Variants in CAMTA1 observed in about 807,000 individuals in gnomAD.
CAMTA1 encodes calmodulin-binding transcription activator 1.
CAMTA1 carries 27 observed loss-of-function variants against 170.9 expected under a neutral mutation model. The ratio of observed to expected loss-of-function variants is 0.16; its 90% confidence interval spans 0.12 to 0.22. The LOEUF is 0.22. Among genes scored for constraint, CAMTA1 ranks in the 10% least tolerant of loss-of-function variants. CAMTA1 has a pLI of 1.00. For synonymous variants in CAMTA1, 833 were observed against 891.5 expected (o/e 0.93, Z 1.17); for missense variants, 1,619 against 2,217.2 (o/e 0.73, Z 5.42).
rs548348863 is a variant in CAMTA1 at position 7,498,792 on chromosome 1, T to C, written c.510+30891T>C. On this transcript the variant is annotated intron_variant, in intron 6 of 22. Coordinates refer to ENST00000303635, the MANE Select transcript of CAMTA1 (RefSeq NM_015215.4). ...CCTGGTGTGCATGTGTATGTATGTGTGTGCATGTGTGTACATGTGTGTAGA... is the reference window on the plus strand; with the variant it reads ...CCTGGTGTGCATGTGTATGTATGTGCGTGCATGTGTGTACATGTGTGTAGA... Among the ~76,000 whole-genome samples the C allele has an allele frequency of 2.3e-4, 34 of 146,502 alleles. 1 individual carries two copies. In the South Asian group the frequency reaches 7.3e-3, roughly 31 times the overall value.
At chr1:7,120,042 A>T (rs1394577740) in intron 4 of CAMTA1, among the ~76,000 whole-genome samples, 1 of 152,192 alleles carries the variant, frequency 6.6e-6, no homozygotes, top group Non-Finnish European at 1.5e-5. Flanking sequence ...CATTCTACAG[A>T]TGAGGAAACC....
Position 7,443,974 on chromosome 1 carries a change from A to G in CAMTA1, c.439-23856A>G, listed in dbSNP as rs1246522046. Among the ~76,000 whole-genome samples, 1 of 151,656 alleles carries G rather than the reference A, an allele frequency of 6.6e-6. No homozygotes were observed. The highest frequency in any genetic ancestry group is 1.5e-5 in the Non-Finnish European group (1 of 67,748). On this transcript the variant is annotated intron_variant, in intron 5 of 22. Coordinates refer to ENST00000303635, the MANE Select transcript of CAMTA1 (RefSeq NM_015215.4). The surrounding 1 kb of genome is among the most constrained non-coding windows in gnomAD (Gnocchi z 4.1). ...AGACATTGTGATCCGTCGGTGAGCC[A>G]TCGAGCCCCTCCTTCAGGCCCCCAG...
At chr1:7,467,615 C>T (rs1046242452) in intron 5 of CAMTA1, among the ~76,000 whole-genome samples, 1 of 152,142 alleles carries the variant, frequency 6.6e-6, no homozygotes, top group Non-Finnish European at 1.5e-5. Context: ...AGCTGCCCAT[C>T]GAGTCTGCCG....
chr1:7,085,363 G>A (rs1207997819), intron 3 of CAMTA1, among the ~76,000 whole-genome samples: 1 of 152,216 alleles, frequency 6.6e-6, no homozygotes, highest in Non-Finnish European at 1.5e-5. Flanking sequence ...CTTTGGAAGA[G>A]AACTTCACAA....
At chr1:7,395,267 T>C (rs1056395472) in intron 5 of CAMTA1, among the ~76,000 whole-genome samples, 10 of 152,248 alleles carry the variant, frequency 6.6e-5, no homozygotes, top group Non-Finnish European at 1.5e-4. Flanking sequence ...AGATAGGCTC[T>C]AATTTCATTG....
intron 6 of CAMTA1, among the ~76,000 whole-genome samples, chr1:7,549,822 G>T (rs1446607744): frequency 6.6e-6 from 1 of 152,016 alleles, no homozygotes; most frequent in East Asian, 1.9e-4. Context: ...AGGGCGGGAG[G>T]GTTTCATTCT....
intron 3 of CAMTA1, among the ~76,000 whole-genome samples, chr1:6,950,198 C>T (rs1323892491): frequency 6.6e-6 from 1 of 152,220 alleles, no homozygotes; most frequent in Non-Finnish European, 1.5e-5. Flanking sequence ...ACGGCCTTCT[C>T]ATGTTCCCAG....
chr1:6,792,718 A>G (rs923931219), intron 1 of CAMTA1, among the ~76,000 whole-genome samples: 7 of 152,118 alleles, frequency 4.6e-5, no homozygotes, highest in Non-Finnish European at 8.8e-5. Flanking sequence ...GTTCTCCTGT[A>G]CATGAATCCT....
In CAMTA1 at chr1:7,736,558, C is replaced by G. The variant is rs771472012; in HGVS notation, c.3263+18C>G. 2.5e-6 allele frequency: 4 copies of G among 1,611,980 alleles called. No individual in the cohort carries two copies. In the Middle Eastern group the frequency reaches 6.7e-4, roughly 270 times the overall value. On this transcript the variant is annotated intron_variant, in intron 13 of 22. Coordinates refer to ENST00000303635, the MANE Select transcript of CAMTA1 (RefSeq NM_015215.4). The surrounding 1 kb of genome is among the most constrained non-coding windows in gnomAD (Gnocchi z 4.5). Reference sequence around the variant, plus strand: ...AAATGGCGGTAAGGCTGTGGTGCAGCTGGCTGGGGGTCAGCCTCGCACATC... The same window carrying G: ...AAATGGCGGTAAGGCTGTGGTGCAGGTGGCTGGGGGTCAGCCTCGCACATC...
At chr1:7,319,104 A>G (rs1489392358) in intron 5 of CAMTA1, among the ~76,000 whole-genome samples, 1 of 152,224 alleles carries the variant, frequency 6.6e-6, no homozygotes, top group Non-Finnish European at 1.5e-5. Flanking sequence ...GGGAAGGCAG[A>G]CACTGAATGA....
At chr1:7,187,874 C>T (rs939047478) in intron 4 of CAMTA1, among the ~76,000 whole-genome samples, 1 of 152,154 alleles carries the variant, frequency 6.6e-6, no homozygotes, top group African/African-American at 2.4e-5. Flanking sequence ...TCTTTTGATG[C>T]AGGAACATTG....
intron 4 of CAMTA1, among the ~76,000 whole-genome samples, chr1:7,214,763 T>C (rs1410748913): frequency 6.6e-6 from 1 of 152,218 alleles, no homozygotes; most frequent in African/African-American, 2.4e-5. Context: ...CTAGTCCTAG[T>C]TCCCAAATTT....
chr1:6,809,319 G>A (rs763822759), intron 1 of CAMTA1, among the ~76,000 whole-genome samples: 26 of 152,118 alleles, frequency 1.7e-4, no homozygotes, highest in Non-Finnish European at 3.1e-4. Context: ...GAGCCACCGC[G>A]CCTGGCCGGT....
chr1:7,579,552 CTTT>C (rs3034816), intron 6 of CAMTA1, among the ~76,000 whole-genome samples: 25 of 79,188 alleles, frequency 3.2e-4, no homozygotes, highest in African/African-American at 1.1e-3. Context: ...CTTTTCTTTT[CTTT>C]TTTTTTTTTT....
In CAMTA1 at chr1:7,467,973, G is replaced by A. The variant is rs538564763; in HGVS notation, c.510+72G>A. On this transcript the variant is annotated intron_variant, in intron 6 of 22. Transcript: ENST00000303635. The stretch of plus-strand genomic sequence containing the variant: ...AGGGTCTGTGGAGGGCACTGAGGGC[G>A]CGGGGCTCCGCATGCGACACGGCTT... The A allele has an allele frequency of 1.7e-4, 212 of 1,254,572 alleles. No individual in the cohort carries two copies. In the African/African-American group the frequency reaches 2.3e-3, roughly 14 times the overall value. 77.7% of individuals were successfully genotyped at this position (1,254,572 alleles called of 1,614,324 possible). A position where few individuals can be genotyped will look rare whatever the true frequency, so the allele number is the denominator to read the frequency against.
At position 7,680,253 on chromosome 1, in the gene CAMTA1, T is replaced by C; in HGVS notation, c.2914+2520T>C. Reference sequence around the variant, plus strand: ...TTCCCCGCCTGTCCCTCCCGGCCCCTCCCCTCGGTCTCCGCAGCTTCTCGG... The same window carrying C: ...TTCCCCGCCTGTCCCTCCCGGCCCCCCCCCTCGGTCTCCGCAGCTTCTCGG... On this transcript the variant is annotated intron_variant, in intron 11 of 22. Coordinates refer to ENST00000303635, the MANE Select transcript of CAMTA1 (RefSeq NM_015215.4). This position sits in a 1 kb window ranked among gnomAD's most constrained non-coding sequence, Gnocchi z 4.4. 1 of 230,550 alleles carries C rather than the reference T, an allele frequency of 4.3e-6. No homozygotes were observed. Among genetic ancestry groups the C allele is most frequent in the South Asian group, 3.7e-5 (1 of 27,240 alleles). 14.3% of individuals were successfully genotyped at this position (230,550 alleles called of 1,614,324 possible). A position where few individuals can be genotyped will look rare whatever the true frequency, so the allele number is the denominator to read the frequency against.
chr1:6,908,222 T>TC (rs1678965902), intron 3 of CAMTA1, among the ~76,000 whole-genome samples: 1 of 152,166 alleles, frequency 6.6e-6, no homozygotes, highest in Non-Finnish European at 1.5e-5. Flanking sequence ...CCACGTCCTG[T>TC]CCCCTCCAGG....
intron 5 of CAMTA1, among the ~76,000 whole-genome samples, chr1:7,258,410 G>A (rs78042251): frequency 0.012 from 1,810 of 152,218 alleles, 33 homozygotes; most frequent in African/African-American, 0.035. Flanking sequence ...ATCACTGCAC[G>A]TTAGCCCATA....
chr1:7,030,928 G>A (rs1005969780), intron 3 of CAMTA1, among the ~76,000 whole-genome samples: 6 of 151,098 alleles, frequency 4.0e-5, no homozygotes, highest in African/African-American at 9.7e-5. Flanking sequence ...TCCGCCTCCC[G>A]GGTTCACGCC....
Sources: gnomAD v4.1 joint callset for allele counts (sites outside exome capture counted in the v4.1 genomes callset) on GRCh38, gnomAD v4.1.1 for gene constraint, Gnocchi (gnomAD v3.1) non-coding constraint, MANE v1.5 for transcripts, NCBI Gene and HGNC (gene_info 2026-07-23, HGNC 2026-07-21) for gene names.